The following SCN11A variants were observed in gnomAD, a reference collection of about 807,000 sequenced individuals.
SCN11A encodes the protein sodium channel protein type 11 subunit alpha.
SCN11A carries 122 observed loss-of-function variants against 162.2 expected under a neutral mutation model. That is an observed-to-expected ratio of 0.75 (90% CI 0.65 to 0.87). SCN11A has a LOEUF of 0.87. Among genes scored for constraint, SCN11A ranks in the 40% least tolerant of loss-of-function variants. The pLI is 0.00. For missense variants in SCN11A, 2,015 were observed against 2,181.6 expected (o/e 0.92, Z 1.52); for synonymous variants, 758 against 751.5 (o/e 1.01, Z -0.14).
chr3:38,896,807 T>C, intron 18 of SCN11A, 38 bp downstream of exon 18: 1 of 1,032,668 alleles, frequency 9.7e-7, no homozygotes, highest in Non-Finnish European at 1.3e-6. Context: ...GCATGTAGGA[T>C]CTTTTTTTTT....
At chr3:39,047,064 A>ACC (rs1286616235) in intron 1 of SCN11A, among the ~76,000 whole-genome samples, 1 of 26,402 alleles carries the variant, frequency 3.8e-5, no homozygotes. Flanking sequence ...CCCCACCCCC[A>ACC]CCCCCTTTTT....
At chr3:39,051,066 G>C (rs2032348806) in intron 1 of SCN11A, among the ~76,000 whole-genome samples, 1 of 151,600 alleles carries the variant, frequency 6.6e-6, no homozygotes, top group Admixed American at 6.6e-5. Flanking sequence ...TTGTCTCTGG[G>C]AACAATTTTA....
At chr3:38,921,801 T>C (rs2066057271) in intron 9 of SCN11A, among the ~76,000 whole-genome samples, 2 of 152,188 alleles carry the variant, frequency 1.3e-5, no homozygotes, top group Admixed American at 6.5e-5. Flanking sequence ...TTCTTTTCAT[T>C]CATTCATTCA....
At chr3:38,983,867 G>A (rs1443017011) in intron 2 of SCN11A, among the ~76,000 whole-genome samples, 1 of 151,630 alleles carries the variant, frequency 6.6e-6, no homozygotes, top group African/African-American at 2.4e-5. Flanking sequence ...AAATTACTTA[G>A]AGATAAACTT....
At chr3:38,930,601 A>G (rs1407874264) in intron 7 of SCN11A, among the ~76,000 whole-genome samples, 2 of 152,214 alleles carry the variant, frequency 1.3e-5, no homozygotes, top group African/African-American at 4.8e-5. Flanking sequence ...GAGACAGCAG[A>G]CTGTCGCTGC....
chr3:38,983,245 G>GT (rs1197460839), intron 2 of SCN11A, among the ~76,000 whole-genome samples: 1 of 152,158 alleles, frequency 6.6e-6, no homozygotes, highest in Non-Finnish European at 1.5e-5. Flanking sequence ...GAGCTTTGAT[G>GT]TTTTTTGCTC....
chr3:39,024,060 TCCTCCCCATCACAAGTGTCACTG>T (rs1311038153), intron 2 of SCN11A, among the ~76,000 whole-genome samples: 3 of 152,156 alleles, frequency 2.0e-5, no homozygotes, highest in African/African-American at 7.2e-5. Context: ...GTGATACCTG[TCCTCCCCATCACAAGTGTCACTG>T]CAGATACTCC....
At chr3:38,903,780 C>T (rs1319216239) in intron 16 of SCN11A, 85 bp downstream of exon 16, 1 of 1,039,586 alleles carries the variant, frequency 9.6e-7, no homozygotes, top group South Asian at 1.7e-5. Context: ...GTTAGGTTAG[C>T]TCATTCACAA....
rs574710424 is a variant in SCN11A, at chr3:38,870,165, A to C, written c.3813+526T>G. On this transcript the variant is annotated intron_variant, in intron 26 of 29. Transcript: ENST00000302328. ...GGCTAGATTACTGAGTGCAATTCCAACTTTGGGAATCTGTGATTATCTTTT... is the reference window on the plus strand; with the variant it reads ...GGCTAGATTACTGAGTGCAATTCCACCTTTGGGAATCTGTGATTATCTTTT... Among the ~76,000 whole-genome samples the C allele has an allele frequency of 8.8e-4, 134 of 152,300 alleles. 1 individual carries two copies. The highest frequency in any genetic ancestry group is 3.2e-3 in the African/African-American group (132 of 41,576).
chr3:38,936,169 AC>A lies in SCN11A; in HGVS notation c.489-9239del, dbSNP rs1333306618. On this transcript the variant is annotated intron_variant, in intron 7 of 29. Transcript: ENST00000302328. ...AAAAGGCCTTTGACAAAATTCAACA[AC>A]CCTTCATGCTAAAAACTCTCAATAA... Among the ~76,000 whole-genome samples the A allele has an allele frequency of 3.3e-5, 5 of 151,286 alleles. No homozygotes were observed. The East Asian group carries it at 5.8e-4, about 18-fold the overall frequency.
Position 38,855,490 on chromosome 3 carries a change from C to T in SCN11A, c.4057-4739G>A, listed in dbSNP as rs115844918. Among the ~76,000 whole-genome samples, 1,369 of 152,216 alleles carry T rather than the reference C, an allele frequency of 9.0e-3. 28 individuals carry two copies. Among genetic ancestry groups the T allele is most frequent in the African/African-American group, 0.031 (1,301 of 41,526 alleles). On this transcript the variant is annotated intron_variant, in intron 28 of 29. Transcript: ENST00000302328. ...AACCCTTGGGAGTTTTATGGCTCTG[C>T]CTGTCTCCTGAAAGTCAGAATACCT...
At chr3:38,876,186 C>T (rs1455396277) in intron 23 of SCN11A, among the ~76,000 whole-genome samples, 1 of 152,126 alleles carries the variant, frequency 6.6e-6, no homozygotes, top group Non-Finnish European at 1.5e-5. Context: ...GGATCCTCAT[C>T]TCTCATCTTA....
chr3:38,969,720 G>A (rs981856355), intron 2 of SCN11A, among the ~76,000 whole-genome samples: 1 of 152,178 alleles, frequency 6.6e-6, no homozygotes, highest in South Asian at 2.1e-4. Context: ...TTCTGGAAAC[G>A]AATTCACAAT....
chr3:38,995,449 T>C (rs2030596880), intron 2 of SCN11A, among the ~76,000 whole-genome samples: 1 of 152,154 alleles, frequency 6.6e-6, no homozygotes, highest in South Asian at 2.1e-4. Context: ...GAAATGTGAA[T>C]GGAGTTTCCT....
chr3:38,885,725 G>C (rs576656413), intron 20 of SCN11A, among the ~76,000 whole-genome samples: 1 of 152,284 alleles, frequency 6.6e-6, no homozygotes, highest in South Asian at 2.1e-4. Flanking sequence ...ATGAGAAGAA[G>C]GCTACTTTAC....
Position 38,920,007 on chromosome 3 carries a change from A to G in SCN11A, c.893-6T>C. 1 of 1,606,136 alleles carries G rather than the reference A, an allele frequency of 6.2e-7. No homozygotes were observed. The highest frequency in any genetic ancestry group is 8.5e-7 in the Non-Finnish European group (1 of 1,174,466). On this transcript the variant is annotated splice_polypyrimidine_tract_variant and splice_region_variant and intron_variant, in intron 10 of 29. Coordinates refer to ENST00000302328, the MANE Select transcript of SCN11A (RefSeq NM_001349253.2). Reference sequence around the variant, plus strand: ...TTTCTTTTCAAAGCAATGGTCTGAGAGAGGAAAAAGTCATAAATTCAGATT... The same window carrying G: ...TTTCTTTTCAAAGCAATGGTCTGAGGGAGGAAAAAGTCATAAATTCAGATT...
At chr3:39,016,185 G>C (rs1382277893) in intron 2 of SCN11A, among the ~76,000 whole-genome samples, 1 of 152,332 alleles carries the variant, frequency 6.6e-6, no homozygotes, top group East Asian at 1.9e-4. Flanking sequence ...TTGTGCCACA[G>C]AATCTGTCCC....
At chr3:38,947,904 T>A (rs938872192) in intron 5 of SCN11A, among the ~76,000 whole-genome samples, 2 of 152,254 alleles carry the variant, frequency 1.3e-5, no homozygotes, top group East Asian at 3.8e-4. Context: ...CAAAAAGTAC[T>A]ACTTGGCCAT....
intron 1 of SCN11A, among the ~76,000 whole-genome samples, chr3:39,036,586 AT>A (rs1559581784): frequency 6.6e-6 from 1 of 152,244 alleles, no homozygotes; most frequent in Non-Finnish European, 1.5e-5. Flanking sequence ...ACGGGAAAAA[AT>A]ATTTGCAAAC....
Sources: allele counts gnomAD v4.1 joint callset (sites outside exome capture counted in the v4.1 genomes callset), GRCh38; gene constraint gnomAD v4.1.1; transcripts MANE v1.5; gene names NCBI Gene and HGNC (gene_info 2026-07-23, HGNC 2026-07-21).